The following CCSER1 variants were observed in gnomAD, a reference collection of about 807,000 sequenced individuals.
CCSER1 encodes coiled-coil serine rich protein 1.
CCSER1 carries 41 observed loss-of-function variants against 82.0 expected under a neutral mutation model. The observed-to-expected ratio is 0.50, with a 90% confidence interval of 0.39 to 0.65. The LOEUF (loss-of-function observed/expected upper bound fraction) is 0.65. CCSER1 is among the 30% of genes least tolerant of loss of function. The pLI is 0.00. For missense variants in CCSER1, 1,119 were observed against 1,064.2 expected, an observed-to-expected ratio of 1.05 and a Z score of -0.72; for synonymous variants, 414 against 383.9, an observed-to-expected ratio of 1.08 and a Z score of -0.92.
chr4:91,472,157 T>A (rs2149445015), intron 10 of CCSER1, among the ~76,000 whole-genome samples: 1 of 152,240 alleles, frequency 6.6e-6, no homozygotes, highest in South Asian at 2.1e-4. Flanking sequence ...CCGATTCACT[T>A]GTACTTTATC....
intron 9 of CCSER1, among the ~76,000 whole-genome samples, chr4:90,925,683 T>C (rs1728970742): frequency 6.6e-6 from 1 of 152,182 alleles, no homozygotes; most frequent in South Asian, 2.1e-4. Flanking sequence ...TTTAGTTCTC[T>C]AAGCATGAAA....
At chr4:91,396,200 T>A (rs928986680) in intron 10 of CCSER1, among the ~76,000 whole-genome samples, 1 of 152,124 alleles carries the variant, frequency 6.6e-6, no homozygotes, top group African/African-American at 2.4e-5. Flanking sequence ...TACTCCAAAC[T>A]AAATGTGTAT....
intron 10 of CCSER1, among the ~76,000 whole-genome samples, chr4:91,554,232 T>C (rs11938069): frequency 0.032 from 4,779 of 148,924 alleles, 353 homozygotes; most frequent in African/African-American, 0.11. Flanking sequence ...CATATCATTG[T>C]GGTCAAAAAA....
intron 5 of CCSER1, among the ~76,000 whole-genome samples, chr4:90,549,461 G>C (rs910000374): frequency 4.6e-5 from 7 of 152,246 alleles, no homozygotes; most frequent in Non-Finnish European, 8.8e-5. Flanking sequence ...TGAAAATAGA[G>C]TATTTCAGGT....
intron 8 of CCSER1, among the ~76,000 whole-genome samples, chr4:90,894,120 C>T (rs114481628): frequency 1.0e-3 from 159 of 152,038 alleles, no homozygotes; most frequent in African/African-American, 3.8e-3. Flanking sequence ...ATCTTTGTGA[C>T]AATTTCTGTT....
At chr4:91,326,734 A>G (rs1339155691) in intron 10 of CCSER1, among the ~76,000 whole-genome samples, 1 of 152,142 alleles carries the variant, frequency 6.6e-6, no homozygotes, top group Non-Finnish European at 1.5e-5. Flanking sequence ...TGTAAAACAA[A>G]AAACAAGCTA....
intron 10 of CCSER1, among the ~76,000 whole-genome samples, chr4:91,264,718 CT>C (rs1366114576): frequency 6.6e-6 from 1 of 151,990 alleles, no homozygotes; most frequent in South Asian, 2.1e-4. Context: ...TCTGACCCTG[CT>C]TAGCTTCTGA....
chr4:91,232,520 A>T (rs1738701104), intron 10 of CCSER1, among the ~76,000 whole-genome samples: 1 of 151,834 alleles, frequency 6.6e-6, no homozygotes, highest in Non-Finnish European at 1.5e-5. Context: ...AAACGGAAAT[A>T]CAACTATGCC....
At chr4:91,226,249 T>C (rs1158967751) in intron 10 of CCSER1, among the ~76,000 whole-genome samples, 1 of 151,976 alleles carries the variant, frequency 6.6e-6, no homozygotes, top group Non-Finnish European at 1.5e-5. Flanking sequence ...CAAATGATGG[T>C]GATTCAGAAA....
intron 10 of CCSER1, among the ~76,000 whole-genome samples, chr4:91,279,517 G>C (rs1235692414): frequency 6.6e-6 from 1 of 151,590 alleles, no homozygotes; most frequent in African/African-American, 2.4e-5. Context: ...TCTTCTGCTT[G>C]ATCTAGTCCT....
intron 9 of CCSER1, among the ~76,000 whole-genome samples, chr4:90,980,644 T>TTACCTTCTAG (rs1736027754): frequency 6.6e-6 from 1 of 151,636 alleles, no homozygotes; most frequent in Non-Finnish European, 1.5e-5. Flanking sequence ...GATTTGCTCT[T>TTACCTTCTAG]ATTTTGTAAT....
At chr4:91,503,463 T>A (rs1227781599) in intron 10 of CCSER1, among the ~76,000 whole-genome samples, 6 of 152,150 alleles carry the variant, frequency 3.9e-5, no homozygotes, top group Non-Finnish European at 8.8e-5. Context: ...GTTCAATCTG[T>A]GTATTTTTAG....
intron 10 of CCSER1, among the ~76,000 whole-genome samples, chr4:91,465,185 C>T (rs1756803575): frequency 1.3e-5 from 2 of 152,138 alleles, no homozygotes; most frequent in Non-Finnish European, 2.9e-5. Flanking sequence ...GAAACTAGAA[C>T]TCAGGATTAA....
At chr4:90,184,368 C>T (rs1210181388) in intron 1 of CCSER1, among the ~76,000 whole-genome samples, 1 of 152,030 alleles carries the variant, frequency 6.6e-6, no homozygotes, top group East Asian at 1.9e-4. Flanking sequence ...CTAAGTGACA[C>T]CAAAATGTTC....
intron 9 of CCSER1, among the ~76,000 whole-genome samples, chr4:90,954,788 C>T (rs1329251181): frequency 1.6e-5 from 1 of 61,826 alleles, no homozygotes; most frequent in African/African-American, 4.3e-5. Context: ...AGTACATTTA[C>T]TAAAAAAAAA....
intron 6 of CCSER1, among the ~76,000 whole-genome samples, chr4:90,658,719 G>C (rs1437366439): frequency 6.6e-6 from 1 of 152,118 alleles, no homozygotes; most frequent in East Asian, 1.9e-4. Context: ...AACTTAAAAA[G>C]ATATAGTAAC....
At chr4:90,935,949 A>ATT (rs1485875247) in intron 9 of CCSER1, among the ~76,000 whole-genome samples, 1 of 152,012 alleles carries the variant, frequency 6.6e-6, no homozygotes, top group African/African-American at 2.4e-5. Flanking sequence ...TTATTTCCTT[A>ATT]TTTTTGTTTA....
intron 9 of CCSER1, among the ~76,000 whole-genome samples, chr4:90,961,154 C>A (rs1004855403): frequency 1.3e-5 from 2 of 152,146 alleles, no homozygotes; most frequent in Non-Finnish European, 2.9e-5. Context: ...ATTCCCAGAC[C>A]TCCCAGGTTA....
At chr4:90,332,699 T>C (rs552118509) in intron 3 of CCSER1, among the ~76,000 whole-genome samples, 3 of 152,346 alleles carry the variant, frequency 2.0e-5, no homozygotes, top group East Asian at 3.9e-4. Flanking sequence ...ATATTATCTA[T>C]ATTATTTTTG....
Sources: allele counts gnomAD v4.1 joint callset (sites outside exome capture counted in the v4.1 genomes callset), GRCh38; gene constraint gnomAD v4.1.1; transcripts MANE v1.5; gene names NCBI Gene and HGNC (gene_info 2026-07-23, HGNC 2026-07-21).